GGA1: variants seen among roughly 807,000 people sequenced by gnomAD.
GGA1 encodes the protein ADP-ribosylation factor-binding protein GGA1.
GGA1 carries 18 observed loss-of-function variants against 76.9 expected under a neutral mutation model. The observed-to-expected ratio is 0.23, with a 90% confidence interval of 0.16 to 0.35. The LOEUF is 0.35. Among genes scored for constraint, GGA1 ranks in the 10% least tolerant of loss-of-function variants. The pLI, the probability that GGA1 is intolerant of heterozygous loss-of-function variation, is 1.00. For synonymous variants in GGA1, 342 were observed against 354.7 expected (o/e 0.96, Z 0.40); for missense variants, 755 against 859.0 (o/e 0.88, Z 1.51).
At chr22:37,627,254 C>T (rs757797188) in intron 11 of GGA1, 10 of 152,262 alleles carry the variant, frequency 6.6e-5, no homozygotes, top group Non-Finnish European at 1.5e-4. Context: ...CCTGAAGCCA[C>T]ACTCTGAGCA....
chr22:37,620,163 G>A, intron 4 of GGA1, 75 bp from the exon 5 acceptor site: 12 of 1,547,194 alleles, frequency 7.8e-6, no homozygotes, highest in Non-Finnish European at 1.1e-5. Flanking sequence ...GGAGGCAGTA[G>A]GGTGTGGACA....
chr22:37,624,835 C>T lies in GGA1; in HGVS notation c.833-134C>T, dbSNP rs1375369124. The T allele has an allele frequency of 7.3e-6, 9 of 1,238,966 alleles. No homozygotes were observed. Among genetic ancestry groups the T allele is most frequent in the South Asian group, 7.3e-5 (5 of 68,868 alleles). 76.7% of individuals were successfully genotyped at this position (1,238,966 alleles called of 1,614,324 possible). ...GGCGGAGGGCCAGAGTCTCAGCAGACGAGATGGGCTGTTTCCCTGCCCCTT... is the reference window on the plus strand; with the variant it reads ...GGCGGAGGGCCAGAGTCTCAGCAGATGAGATGGGCTGTTTCCCTGCCCCTT... On this transcript the variant is annotated intron_variant, in intron 9 of 16. Coordinates refer to ENST00000343632, the MANE Select transcript of GGA1 (RefSeq NM_013365.5). This position sits in a 1 kb window ranked among gnomAD's most constrained non-coding sequence, Gnocchi z 4.3.
chr22:37,629,551 TG>T, intron 12 of GGA1, 25 bp downstream of exon 12: 1 of 1,447,792 alleles, frequency 6.9e-7, no homozygotes, highest in Non-Finnish European at 9.4e-7. Context: ...CAAACTAGTC[TG>T]GCCTGTCCCA....
intron 7 of GGA1, 68 bp downstream of exon 7, chr22:37,621,764 G>A (rs995847800): frequency 4.9e-6 from 5 of 1,013,984 alleles, no homozygotes; most frequent in Non-Finnish European, 7.5e-6. Context: ...ACTGAGATGG[G>A]GCTGTATGCA....
In GGA1 at chr22:37,632,887, C is replaced by T. The variant is rs1423084665; in HGVS notation, c.*176C>T. Reference sequence around the variant, plus strand: ...ACTCTTCCCCCTCCTGCTCCGGCCCCGCCCCTGCTGAGCCAAACCCAGTAG... The same window carrying T: ...ACTCTTCCCCCTCCTGCTCCGGCCCTGCCCCTGCTGAGCCAAACCCAGTAG... On this transcript the variant is annotated 3_prime_UTR_variant, in exon 17 of 17. Transcript: ENST00000343632. The surrounding 1 kb of genome is among the most constrained non-coding windows in gnomAD (Gnocchi z 5.1). 10 of 593,206 alleles carry T rather than the reference C, an allele frequency of 1.7e-5. No individual in the cohort carries two copies. Among genetic ancestry groups the T allele is most frequent in the African/African-American group, 1.1e-4 (6 of 53,874 alleles). The allele number at this position is 593,206 out of a possible 1,614,324, so 36.7% of individuals were successfully genotyped here.
rs762760172 is a variant in GGA1, at chr22:37,625,870, C to T, written c.1014C>T (p.Pro338=). The change falls in exon 11 of 17, where the codon CCC becomes CCT. Residue 338 remains proline, a synonymous_variant. Transcript: ENST00000343632. The surrounding 1 kb of genome is among the most constrained non-coding windows in gnomAD (Gnocchi z 4.1). ...PPAGTTYPAM[P]TRPGEQASPE... is the part of the protein sequence containing the mutation. The stretch of plus-strand genomic sequence containing the variant: ...CGGGCACCACCTACCCAGCTATGCC[C>T]ACCCGCCCTGGCGAGCAGGCCAGCC... 1 of 1,612,038 alleles carries T rather than the reference C, an allele frequency of 6.2e-7. No homozygotes were observed. The highest frequency in any genetic ancestry group is 1.1e-5 in the South Asian group (1 of 91,020).
At chr22:37,620,664 G>GC (rs1929715211) in intron 5 of GGA1, 149 bp from the exon 6 acceptor site, 1 of 659,460 alleles carries the variant, frequency 1.5e-6, no homozygotes, top group African/African-American at 1.8e-5. Flanking sequence ...GTAGGAGTAG[G>GC]CCCAGGCCAC....
chr22:37,628,529 T>C (rs977025711), intron 11 of GGA1, among the ~76,000 whole-genome samples: 1 of 152,204 alleles, frequency 6.6e-6, no homozygotes, highest in Admixed American at 6.5e-5. Flanking sequence ...TTGAGTCCAT[T>C]TTCTTATCCC....
intron 4 of GGA1, chr22:37,619,773 T>C (rs757205686): frequency 1.3e-6 from 1 of 778,154 alleles, no homozygotes; most frequent in African/African-American, 1.7e-5. Flanking sequence ...GAATAATCCA[T>C]ATGGCCTCCC....
chr22:37,619,458 A>C (rs1601524232), intron 4 of GGA1, among the ~76,000 whole-genome samples: 1 of 145,186 alleles, frequency 6.9e-6, no homozygotes. Flanking sequence ...AGCTCACTGC[A>C]CCCTCCACCT....
Position 37,623,199 on chromosome 22 carries a change from C to T in GGA1, c.610-128C>T. The T allele has an allele frequency of 6.5e-6, 6 of 922,364 alleles. No homozygotes were observed. Among genetic ancestry groups the T allele is most frequent in the Non-Finnish European group, 8.7e-6 (5 of 572,214 alleles). The allele number at this position is 922,364 out of a possible 1,614,324, so 57.1% of individuals were successfully genotyped here. ...CCTGGCAGGGCCTGCTGGAGCCCCACCCAGAGTGTGATCCCACAGTCACCC... is the reference window on the plus strand; with the variant it reads ...CCTGGCAGGGCCTGCTGGAGCCCCATCCAGAGTGTGATCCCACAGTCACCC... On this transcript the variant is annotated intron_variant, in intron 7 of 16. Transcript: ENST00000343632. The surrounding 1 kb of genome is among the most constrained non-coding windows in gnomAD (Gnocchi z 4.6).
Position 37,620,179 on chromosome 22 carries a change from T to TGA in GGA1, c.304-56_304-55dup. 1.9e-6 allele frequency: 3 copies of TGA among 1,601,852 alleles called. 1 individual carries two copies. In the South Asian group the frequency reaches 3.3e-5, roughly 18 times the overall value. ...GAGGCAGTAGGGTGTGGACAGGGCT[T>TGA]GAGACTGAAGTGAGTGGGGCTGGGC... On this transcript the variant is annotated intron_variant, in intron 4 of 16. Transcript: ENST00000343632.
chr22:37,609,027 G>T, intron 1 of GGA1, 124 bp downstream of exon 1: 2 of 1,399,606 alleles, frequency 1.4e-6, no homozygotes, highest in South Asian at 3.0e-5. Flanking sequence ...GGCCCGGGAG[G>T]GGCGGTGTCC....
At chr22:37,610,768 C>T (rs1001547276) in intron 1 of GGA1, 1 of 152,284 alleles carries the variant, frequency 6.6e-6, no homozygotes, top group African/African-American at 2.4e-5. Context: ...AAACACCTCC[C>T]TCCCTCTCTA....
intron 1 of GGA1, chr22:37,609,422 T>G: frequency 1.4e-6 from 1 of 693,336 alleles, no homozygotes; most frequent in South Asian, 2.9e-5. Context: ...ATTTGATTCC[T>G]CCCGCCGCTC....
intron 3 of GGA1, chr22:37,617,692 C>A: frequency 1.6e-6 from 1 of 639,120 alleles, no homozygotes; most frequent in Non-Finnish European, 1.9e-6. Context: ...GAGTGAGACC[C>A]CATCTCTAAA....
chr22:37,632,770 G>A lies in GGA1; in HGVS notation c.*59G>A. 9.4e-7 allele frequency: 1 copy of A among 1,060,180 alleles called. No individual in the cohort carries two copies. The highest frequency in any genetic ancestry group is 1.4e-6 in the Non-Finnish European group (1 of 698,866). The allele number at this position is 1,060,180 out of a possible 1,614,324, so 65.7% of individuals were successfully genotyped here. On this transcript the variant is annotated 3_prime_UTR_variant, in exon 17 of 17. Coordinates refer to ENST00000343632, the MANE Select transcript of GGA1 (RefSeq NM_013365.5). This position sits in a 1 kb window ranked among gnomAD's most constrained non-coding sequence, Gnocchi z 5.1. Reference sequence around the variant, plus strand: ...GACCGGTCACTGTCCAGCCTGGAGGGAGGCATTGGTGGCCAAGGACACCCT... The same window carrying A: ...GACCGGTCACTGTCCAGCCTGGAGGAAGGCATTGGTGGCCAAGGACACCCT...
intron 1 of GGA1, 38 bp from the exon 2 acceptor site, chr22:37,614,136 GAAGAGCAGGAATCCCA>G: frequency 8.2e-7 from 1 of 1,212,320 alleles, no homozygotes; most frequent in Non-Finnish European, 1.2e-6. Context: ...GTCAGGAGTG[GAAGAGCAGGAATCCCA>G]CTGCCGGGCC....
At chr22:37,627,955 T>C (rs942935843) in intron 11 of GGA1, among the ~76,000 whole-genome samples, 4 of 152,160 alleles carry the variant, frequency 2.6e-5, no homozygotes, top group Admixed American at 6.5e-5. Context: ...GGCTCCTGAG[T>C]AGTTGGGACT....
Sources: allele counts gnomAD v4.1 joint callset (sites outside exome capture counted in the v4.1 genomes callset), GRCh38; gene constraint gnomAD v4.1.1; non-coding constraint Gnocchi (gnomAD v3.1); transcripts MANE v1.5; gene names NCBI Gene and HGNC (gene_info 2026-07-23, HGNC 2026-07-21).